CP: variants seen among roughly 807,000 people sequenced by gnomAD.
CP encodes ceruloplasmin, also known as caeruloplasmin.
CP carries 64 observed loss-of-function variants against 122.4 expected under a neutral mutation model. That is an observed-to-expected ratio of 0.52 (90% confidence interval 0.43 to 0.64). The LOEUF (loss-of-function observed/expected upper bound fraction) is 0.64. Ranked by LOEUF, CP falls within the 30% of genes least tolerant of loss-of-function variation. The pLI, the probability that CP is intolerant of heterozygous loss-of-function variation, is 0.00. For missense variants in CP, 1,167 were observed against 1,284.4 expected, an observed-to-expected ratio of 0.91 and a Z score of 1.40; for synonymous variants, 440 against 436.4, an observed-to-expected ratio of 1.01 and a Z score of -0.10.
chr3:149,205,307 G>A (rs1300622917), intron 6 of CP, among the ~76,000 whole-genome samples: 1 of 149,914 alleles, frequency 6.7e-6, no homozygotes, highest in Non-Finnish European at 1.5e-5. Flanking sequence ...ACAGTAATGT[G>A]GTTCCTCAAA....
chr3:149,212,541 C>T lies in CP; in HGVS notation c.304G>A (p.Gly102Arg). 6.2e-7 allele frequency: 1 copy of T among 1,613,988 alleles called. No homozygotes were observed. Among genetic ancestry groups the T allele is most frequent in the Non-Finnish European group, 8.5e-7 (1 of 1,179,958 alleles). ...FLGPIIKAET[G>R]DKVYVHLKNL... is the part of the protein sequence containing the mutation. ...TTTAAGTGTACATAAACTTTATCTC[C>T]AGTTTCAGCTTTGATAATAGGGCCT... The change falls in exon 2 of 19, where the codon GGA (glycine) becomes AGA (arginine). Residue 102 changes from glycine (G) to arginine (R), a missense_variant. Gly to Arg is a moderately radical substitution (Grantham distance 125). This residue lies in a region of CP where 642 missense variants were observed against 627.3 expected (regional missense o/e 1.02). Transcript: ENST00000264613.
Position 149,185,426 on chromosome 3 carries a change from G to A in CP, c.2098C>T (p.Leu700Phe), listed in dbSNP as rs753058935. Reference protein sequence around the residue: ...DTEGTFNVECLTTDHYTGGMK... With the variant: ...DTEGTFNVECFTTDHYTGGMK... ...CCGCCTGTGTAATGATCAGTTGTAAGGCATTCAACATTAAAAGTCCCTGGA... is the reference window on the plus strand; with the variant it reads ...CCGCCTGTGTAATGATCAGTTGTAAAGCATTCAACATTAAAAGTCCCTGGA... The change falls in exon 12 of 19, where the codon CTT (leucine) becomes TTT (phenylalanine). Residue 700 changes from leucine to phenylalanine, a missense_variant. By Grantham distance (22) the Leu-to-Phe change is conservative. Coordinates refer to ENST00000264613, the MANE Select transcript of CP (RefSeq NM_000096.4). The A allele has an allele frequency of 2.5e-6, 4 of 1,614,096 alleles. No individual in the cohort carries two copies. Among genetic ancestry groups the A allele is most frequent in the Non-Finnish European group, 2.5e-6 (3 of 1,180,000 alleles).
intron 13 of CP, among the ~76,000 whole-genome samples, chr3:149,183,020 C>A (rs192072706): frequency 7.1e-4 from 108 of 151,972 alleles, no homozygotes; most frequent in Admixed American, 1.4e-3. Flanking sequence ...GCGTGGTGGC[C>A]CATCCCTGTA....
chr3:149,184,804 C>T (rs1726042008), intron 12 of CP, among the ~76,000 whole-genome samples: 1 of 152,138 alleles, frequency 6.6e-6, no homozygotes, highest in Admixed American at 6.5e-5. Context: ...TAAAATATTC[C>T]ATACGTAACG....
At chr3:149,202,815 T>C (rs972854095) in intron 6 of CP, among the ~76,000 whole-genome samples, 2 of 150,654 alleles carry the variant, frequency 1.3e-5, no homozygotes, top group African/African-American at 4.9e-5. Flanking sequence ...TTCAACATGT[T>C]AGCCAGGATG....
In CP at chr3:149,209,319, C is replaced by T; in HGVS notation, c.673G>A (p.Asp225Asn). The change falls in exon 4 of 19, where the codon GAT becomes AAT. Residue 225 changes from aspartate (D) to asparagine (N), a missense_variant. By Grantham distance (23) the Asp-to-Asn change is conservative. This residue lies in a region of CP where 642 missense variants were observed against 627.3 expected (regional missense o/e 1.02). Transcript: ENST00000264613. ...TCTAGGTACCAGCTGAAATTTTCAT[C>T]CACCACAGAAAACATCACCACAAAT... Reference protein sequence around the residue: ...REFVVMFSVVDENFSWYLEDN... With the variant: ...REFVVMFSVVNENFSWYLEDN... 1 of 1,613,760 alleles carries T rather than the reference C, an allele frequency of 6.2e-7. No individual in the cohort carries two copies.
At chr3:149,214,240 T>C (rs1451203469) in intron 1 of CP, among the ~76,000 whole-genome samples, 1 of 152,100 alleles carries the variant, frequency 6.6e-6, no homozygotes, top group East Asian at 1.9e-4. Flanking sequence ...CGGTGGAGGC[T>C]ATATAGATTA....
intron 13 of CP, among the ~76,000 whole-genome samples, chr3:149,183,116 A>G (rs10935743): frequency 0.15 from 22,749 of 152,054 alleles, 3,008 homozygotes; most frequent in African/African-American, 0.36. Context: ...ACACCACTAC[A>G]CACCATCCTG....
intron 10 of CP, among the ~76,000 whole-genome samples, chr3:149,187,671 A>G (rs1381373971): frequency 6.6e-6 from 1 of 152,198 alleles, no homozygotes; most frequent in Non-Finnish European, 1.5e-5. Context: ...GTAGTTTTCA[A>G]ACTGTAGCGT....
rs114781297 is a variant in CP, at chr3:149,163,813, T to G, written c.*14-938A>C. On this transcript the variant is annotated intron_variant, in intron 5 of 5. Transcript: ENST00000479771. ...TAAGCAAGCTTTTGTTGTTATATTTTGTTTATGAGAAATTCTTTTATGTTT... is the reference window on the plus strand; with the variant it reads ...TAAGCAAGCTTTTGTTGTTATATTTGGTTTATGAGAAATTCTTTTATGTTT... 4,842 of 1,198,140 alleles carry G rather than the reference T, an allele frequency of 4.0e-3. 138 individuals are homozygous for G. In the African/African-American group the frequency reaches 0.064, roughly 16 times the overall value. 74.2% of individuals were successfully genotyped at this position (1,198,140 alleles called of 1,614,324 possible).
intron 9 of CP, among the ~76,000 whole-genome samples, chr3:149,192,016 C>G (rs1329222558): frequency 6.6e-6 from 1 of 151,914 alleles, no homozygotes; most frequent in Non-Finnish European, 1.5e-5. Context: ...TAAAAACTAC[C>G]AATGGCAGTT....
chr3:149,200,176 T>G (rs1727203531), intron 7 of CP: 1 of 386,810 alleles, frequency 2.6e-6, no homozygotes, highest in South Asian at 2.3e-5. Context: ...CCTAATCTTC[T>G]GTTGGCTGGA....
At chr3:149,200,578 C>G (rs993575021) in intron 7 of CP, among the ~76,000 whole-genome samples, 1 of 152,080 alleles carries the variant, frequency 6.6e-6, no homozygotes, top group East Asian at 1.9e-4. Flanking sequence ...TCTTGGCTAA[C>G]TGCAACCTCT....
chr3:149,182,601 A>T (rs2108228061), intron 13 of CP, among the ~76,000 whole-genome samples: 1 of 152,212 alleles, frequency 6.6e-6, no homozygotes, highest in East Asian at 1.9e-4. Context: ...GGTCCCTGCA[A>T]TTGATAGTTT....
intron 9 of CP, among the ~76,000 whole-genome samples, chr3:149,190,805 T>C (rs1726496117): frequency 6.6e-6 from 1 of 152,192 alleles, no homozygotes; most frequent in Non-Finnish European, 1.5e-5. Flanking sequence ...TCCTAGTTTA[T>C]TTAATAAAGA....
chr3:149,181,975 C>CGGGGG, intron 14 of CP, 30 bp downstream of exon 14: 4 of 1,088,420 alleles, frequency 3.7e-6, no homozygotes, highest in Non-Finnish European at 5.4e-6. Flanking sequence ...TGTTAAAATG[C>CGGGGG]ACCACCCCCA....
At chr3:149,214,532 G>A (rs1374464036) in intron 1 of CP, among the ~76,000 whole-genome samples, 1 of 152,130 alleles carries the variant, frequency 6.6e-6, no homozygotes, top group Non-Finnish European at 1.5e-5. Flanking sequence ...CCTGGTGGGA[G>A]GGCTAAGCTA....
intron 6 of CP, among the ~76,000 whole-genome samples, chr3:149,203,305 C>T: frequency 6.9e-6 from 1 of 144,834 alleles, no homozygotes; most frequent in East Asian, 1.9e-4. Context: ...GCTCTCTTGC[C>T]CAAGCTGGAG....
At position 149,181,886 on chromosome 3, in the gene CP, C is replaced by T; in HGVS notation, c.2554+119G>A. On this transcript the variant is annotated intron_variant, in intron 14 of 18. Coordinates refer to ENST00000264613, the MANE Select transcript of CP (RefSeq NM_000096.4). ...ACACAGACACCTCCTTGCATCCCCT[C>T]TTCACAACTACCTCCCTTTTCACTT... 4 of 1,174,684 alleles carry T rather than the reference C, an allele frequency of 3.4e-6. No individual in the cohort carries two copies. The South Asian group carries it at 3.8e-5, about 11-fold the overall frequency. The allele number at this position is 1,174,684 out of a possible 1,614,324, so 72.8% of individuals were successfully genotyped here. A position where few individuals can be genotyped will look rare whatever the true frequency, so the allele number is the denominator to read the frequency against.
Sources: gnomAD v4.1 joint callset for allele counts (sites outside exome capture counted in the v4.1 genomes callset) on GRCh38, gnomAD v4.1.1 for gene constraint, gnomAD v4.1.1 regional missense constraint, MANE v1.5 for transcripts, NCBI Gene and HGNC (gene_info 2026-07-23, HGNC 2026-07-21) for gene names.